The following UPP2 variants were observed in gnomAD, a reference collection of about 807,000 sequenced individuals.
UPP2 encodes the protein uridine phosphorylase 2.
A neutral mutation model predicts 26.7 loss-of-function variants in UPP2; 23 were observed. That is an observed-to-expected ratio of 0.86 (90% CI 0.62 to 1.22). UPP2 has a LOEUF of 1.22. Among genes scored for constraint, UPP2 ranks in the 50% most tolerant of loss-of-function variants. The probability of loss-of-function intolerance (pLI) is 0.00; values close to 1 mark genes in which losing one functional copy is unlikely to be tolerated. For missense variants in UPP2, 387 were observed against 396.7 expected (o/e 0.98, Z 0.21); for synonymous variants, 127 against 141.3 (o/e 0.90, Z 0.72).
rs1028656759 is a variant in UPP2, at chr2:158,059,417, T to C, written c.148-42623T>C. Among the ~76,000 whole-genome samples the C allele has an allele frequency of 4.6e-5, 7 of 152,248 alleles. No homozygotes were observed. The East Asian group carries it at 5.8e-4, about 13-fold the overall frequency. On this transcript the variant is annotated intron_variant, in intron 3 of 9. Transcript: ENST00000605860. Reference sequence around the variant, plus strand: ...GACTGGTTGCACATCCATTCTGTCATTGAACTGGGCTCTTGTCTTTAAACT... The same window carrying C: ...GACTGGTTGCACATCCATTCTGTCACTGAACTGGGCTCTTGTCTTTAAACT...
chr2:158,079,429 A>G (rs2105193501), intron 3 of UPP2, among the ~76,000 whole-genome samples: 1 of 152,154 alleles, frequency 6.6e-6, no homozygotes, highest in Non-Finnish European at 1.5e-5. Context: ...AGGATTGGAG[A>G]GCCTTGAGCT....
At chr2:158,071,641 C>G (rs1343031824) in intron 3 of UPP2, among the ~76,000 whole-genome samples, 1 of 147,266 alleles carries the variant, frequency 6.8e-6, no homozygotes, top group Non-Finnish European at 1.5e-5. Flanking sequence ...TGGCTTGTAT[C>G]TTGACTACCA....
rs571933483 is a variant in UPP2, at chr2:158,062,578, A to G, written c.148-39462A>G. 3.6e-4 allele frequency among the ~76,000 whole-genome samples: 55 copies of G among 152,234 alleles called. 1 individual carries two copies. In the South Asian group the frequency reaches 0.011, roughly 30 times the overall value. The stretch of plus-strand genomic sequence containing the variant: ...AAAGGTTTAATGTCCAGCACTATCT[A>G]CCCTACCCCAATGTTTGACCCAAGG... On this transcript the variant is annotated intron_variant, in intron 3 of 9. Transcript: ENST00000605860.
chr2:158,023,417 C>T (rs1683786669), intron 3 of UPP2, among the ~76,000 whole-genome samples: 1 of 152,224 alleles, frequency 6.6e-6, no homozygotes, highest in Non-Finnish European at 1.5e-5. Context: ...CTCCCATGAT[C>T]ACTTCTCATA....
At chr2:158,041,593 C>T (rs1684081943) in intron 3 of UPP2, among the ~76,000 whole-genome samples, 1 of 152,182 alleles carries the variant, frequency 6.6e-6, no homozygotes, top group Non-Finnish European at 1.5e-5. Context: ...AATCAATTTG[C>T]ATTTGATTTG....
chr2:158,118,509 T>C (rs999820279), intron 4 of UPP2, among the ~76,000 whole-genome samples: 2 of 151,944 alleles, frequency 1.3e-5, no homozygotes, highest in East Asian at 3.9e-4. Context: ...CCTCCCTTCT[T>C]CTTAGGCCTG....
chr2:157,996,487 G>T (rs115454718), intron 2 of UPP2, among the ~76,000 whole-genome samples: 1 of 151,800 alleles, frequency 6.6e-6, no homozygotes, highest in East Asian at 1.9e-4. Flanking sequence ...CCTAATTTGG[G>T]GTCTCTAAAA....
intron 5 of UPP2, among the ~76,000 whole-genome samples, chr2:158,123,181 G>A (rs932331762): frequency 2.0e-5 from 3 of 152,086 alleles, no homozygotes; most frequent in Admixed American, 6.6e-5. Flanking sequence ...GAAATTCAGT[G>A]ATGAATGAAC....
Position 158,109,526 on chromosome 2 carries a change from C to T in UPP2, c.180+3310C>T, listed in dbSNP as rs78647085. 8.1e-3 allele frequency among the ~76,000 whole-genome samples: 1,231 copies of T among 152,242 alleles called. 26 individuals carry two copies. Among genetic ancestry groups the T allele is most frequent in the African/African-American group, 0.028 (1,163 of 41,536 alleles). Reference sequence around the variant, plus strand: ...TTGCTGTTTCCCAGTGTGTCAACACCTGTCCAGCAGATGACAGCGACAATA... The same window carrying T: ...TTGCTGTTTCCCAGTGTGTCAACACTTGTCCAGCAGATGACAGCGACAATA... On this transcript the variant is annotated intron_variant, in intron 2 of 6. Coordinates refer to ENST00000005756, the MANE Select transcript of UPP2 (RefSeq NM_173355.4).
At chr2:158,018,704 C>A (rs16842429) in intron 3 of UPP2, among the ~76,000 whole-genome samples, 4,600 of 152,248 alleles carry the variant, frequency 0.03, 226 homozygotes, top group African/African-American at 0.1. Context: ...ACTAGGTAAA[C>A]TTTTAGTGGG....
rs70990633 is a variant in UPP2 at position 158,068,802 on chromosome 2, A to ATT, written c.148-33206_148-33205dup. ...TATATATATATATATATATATATAT[A>ATT]TTTTTTTTTTTTTTTTTTTTTTTTT... On this transcript the variant is annotated intron_variant, in intron 3 of 9. Coordinates refer to the UPP2 transcript ENST00000605860. Among the ~76,000 whole-genome samples the ATT allele has an allele frequency of 1.1e-3, 20 of 18,898 alleles. 1 individual carries two copies. The highest frequency in any genetic ancestry group is 4.3e-3 in the East Asian group (2 of 464). 12.4% of individuals were successfully genotyped at this position (18,898 alleles called of 152,430 possible).
chr2:158,125,990 G>A (rs1337521718), intron 6 of UPP2, among the ~76,000 whole-genome samples: 1 of 152,060 alleles, frequency 6.6e-6, no homozygotes, highest in Non-Finnish European at 1.5e-5. Flanking sequence ...ATAAAATGCC[G>A]AGTTATCAAC....
At chr2:158,124,282 G>C (rs1345133134) in intron 6 of UPP2, among the ~76,000 whole-genome samples, 4 of 152,192 alleles carry the variant, frequency 2.6e-5, no homozygotes, top group African/African-American at 9.6e-5. Context: ...AAGGATGGGA[G>C]AAGAATGTGC....
At chr2:157,997,166 GA>G (rs1169222127) in intron 2 of UPP2, among the ~76,000 whole-genome samples, 1 of 152,190 alleles carries the variant, frequency 6.6e-6, no homozygotes, top group Non-Finnish European at 1.5e-5. Context: ...GATCAAATAA[GA>G]GGATGAACTA....
rs1293640940 is a variant in UPP2, at chr2:158,068,785, TATATATATATATATATA to T, written c.148-33254_148-33238del. Among the ~76,000 whole-genome samples the T allele has an allele frequency of 6.4e-4, 9 of 14,134 alleles. 1 individual carries two copies. The highest frequency in any genetic ancestry group is 3.7e-3 in the South Asian group (2 of 544). 9.3% of individuals were successfully genotyped at this position (14,134 alleles called of 152,430 possible). On this transcript the variant is annotated intron_variant, in intron 3 of 9. Coordinates refer to the UPP2 transcript ENST00000605860. ...ATTCAAATATATATATATATATATA[TATATATATATATATATA>T]TTTTTTTTTTTTTTTTTTTTTTTTT...
chr2:158,037,189 A>G (rs1321067681), intron 3 of UPP2, among the ~76,000 whole-genome samples: 1 of 151,240 alleles, frequency 6.6e-6, no homozygotes, highest in Non-Finnish European at 1.5e-5. Flanking sequence ...TCTGGCCAAC[A>G]TAGTGAAACC....
chr2:157,998,244 A>C (rs1683352450), intron 2 of UPP2, among the ~76,000 whole-genome samples: 1 of 152,174 alleles, frequency 6.6e-6, no homozygotes, highest in African/African-American at 2.4e-5. Flanking sequence ...CCACAGGCTT[A>C]GGACATAAGG....
intron 3 of UPP2, among the ~76,000 whole-genome samples, chr2:158,018,263 AG>A (rs1683692316): frequency 6.6e-6 from 1 of 152,234 alleles, no homozygotes. Flanking sequence ...ATATCTAGTA[AG>A]GGTGCACTTG....
intron 2 of UPP2, among the ~76,000 whole-genome samples, chr2:158,001,545 T>C (rs1009885080): frequency 6.6e-6 from 1 of 152,110 alleles, no homozygotes; most frequent in African/African-American, 2.4e-5. Context: ...AAAGAGCCTG[T>C]TTATACAGCC....
Sources: gnomAD v4.1 joint callset for allele counts (sites outside exome capture counted in the v4.1 genomes callset) on GRCh38, gnomAD v4.1.1 for gene constraint, MANE v1.5 for transcripts, NCBI Gene and HGNC (gene_info 2026-07-23, HGNC 2026-07-21) for gene names.